Variants in FNDC3A observed in about 807,000 individuals in gnomAD.
FNDC3A encodes the protein fibronectin type III domain containing 3A.
In FNDC3A, 32 loss-of-function variants were observed where a neutral mutation model predicts 148.9. The observed-to-expected ratio is 0.21, with a 90% CI of 0.16 to 0.29. The LOEUF is 0.29. Among genes scored for constraint, FNDC3A ranks in the 10% least tolerant of loss-of-function variants. The pLI is 1.00. For synonymous variants in FNDC3A, 472 were observed against 473.6 expected (o/e 1.00, Z 0.04); for missense variants, 1,191 against 1,452.8 (o/e 0.82, Z 2.93).
intron 1 of FNDC3A, among the ~76,000 whole-genome samples, chr13:48,999,273 C>G (rs1045708688): frequency 1.3e-5 from 2 of 152,196 alleles, no homozygotes; most frequent in Admixed American, 1.3e-4. Context: ...GATTCTCAAG[C>G]CTTAAGATCT....
chr13:48,983,209 T>C (rs1951727016), intron 1 of FNDC3A, among the ~76,000 whole-genome samples: 1 of 152,174 alleles, frequency 6.6e-6, no homozygotes, highest in Non-Finnish European at 1.5e-5. Flanking sequence ...AATTAAAATA[T>C]CTTGTGTCTT....
chr13:49,152,997 AT>A (rs1463545925), intron 8 of FNDC3A, among the ~76,000 whole-genome samples: 11 of 150,490 alleles, frequency 7.3e-5, no homozygotes, highest in African/African-American at 2.7e-4. Context: ...ATGTGTCTTT[AT>A]AGCAGCATGA....
At chr13:49,126,930 A>C (rs575700980) in intron 4 of FNDC3A, among the ~76,000 whole-genome samples, 1 of 152,350 alleles carries the variant, frequency 6.6e-6, no homozygotes, top group African/African-American at 2.4e-5. Flanking sequence ...TAGGAGAGAG[A>C]GATCACTGAG....
chr13:48,986,384 T>TG (rs1951795133), intron 1 of FNDC3A, among the ~76,000 whole-genome samples: 1 of 119,170 alleles, frequency 8.4e-6, no homozygotes, highest in Non-Finnish European at 1.7e-5. Context: ...AGAAGGAAGT[T>TG]GTTTTTTTTT....
intron 4 of FNDC3A, 64 bp downstream of exon 4, chr13:49,114,795 C>A: frequency 8.8e-7 from 1 of 1,140,446 alleles, no homozygotes. Flanking sequence ...TTCTCTTTGA[C>A]TTTGATTTTG....
At chr13:49,050,584 T>C (rs1395802725) in intron 2 of FNDC3A, among the ~76,000 whole-genome samples, 3 of 152,234 alleles carry the variant, frequency 2.0e-5, no homozygotes, top group African/African-American at 7.2e-5. Flanking sequence ...TTGAAGAATG[T>C]TCCATATGCT....
At chr13:49,043,330 G>T (rs192887444) in intron 2 of FNDC3A, among the ~76,000 whole-genome samples, 97 of 152,286 alleles carry the variant, frequency 6.4e-4, no homozygotes, top group African/African-American at 2.0e-3. Flanking sequence ...ATTGAAGACA[G>T]TTAATACTAA....
intron 3 of FNDC3A, among the ~76,000 whole-genome samples, chr13:49,092,989 A>G (rs1165299610): frequency 6.6e-6 from 1 of 152,198 alleles, no homozygotes; most frequent in Admixed American, 6.6e-5. Context: ...TGAGATTCAT[A>G]AAAAGCCTCA....
chr13:49,017,672 A>G (rs1355254377), intron 2 of FNDC3A, among the ~76,000 whole-genome samples: 2 of 151,566 alleles, frequency 1.3e-5, no homozygotes, highest in Non-Finnish European at 2.9e-5. Flanking sequence ...TTTGCTCATT[A>G]GTTCATGCAG....
At chr13:49,177,908 A>C (rs1233825665) in intron 13 of FNDC3A, among the ~76,000 whole-genome samples, 1 of 152,240 alleles carries the variant, frequency 6.6e-6, no homozygotes, top group African/African-American at 2.4e-5. Flanking sequence ...AAAAAAGGAC[A>C]GGCTTTTTCT....
At chr13:49,009,600 C>CT (rs1456915653) in intron 2 of FNDC3A, among the ~76,000 whole-genome samples, 1 of 152,152 alleles carries the variant, frequency 6.6e-6, no homozygotes. Flanking sequence ...CTTGAGATAT[C>CT]TTTTCCTGAT....
intron 8 of FNDC3A, among the ~76,000 whole-genome samples, chr13:49,160,402 G>T (rs959285970): frequency 9.9e-5 from 15 of 151,870 alleles, no homozygotes; most frequent in African/African-American, 3.6e-4. Context: ...TAGTTTATTT[G>T]CATAGAGGTG....
Position 49,198,613 on chromosome 13 carries a change from G to A in FNDC3A, c.2987+39G>A, listed in dbSNP as rs373938016. 1.3e-4 allele frequency: 194 copies of A among 1,470,078 alleles called. No individual in the cohort carries two copies. In the Middle Eastern group the frequency reaches 1.7e-3, roughly 13 times the overall value. 91.1% of individuals were successfully genotyped at this position (1,470,078 alleles called of 1,614,324 possible). On this transcript the variant is annotated intron_variant, in intron 23 of 25. Coordinates refer to ENST00000492622, the MANE Select transcript of FNDC3A (RefSeq NM_001079673.2). ...ATTGCTTCTTTATATAGTTTCTTAG[G>A]TCTTAAGTATATACATTTCTGTAAC...
chr13:49,044,291 A>G (rs540383851), intron 2 of FNDC3A: 5 of 179,538 alleles, frequency 2.8e-5, no homozygotes, highest in East Asian at 1.4e-4. Context: ...GTCAGAGTCT[A>G]TTATTCCATG....
chr13:49,094,226 G>A lies in FNDC3A; in HGVS notation c.175+18862G>A, dbSNP rs546554888. 1.4e-4 allele frequency among the ~76,000 whole-genome samples: 22 copies of A among 151,940 alleles called. No homozygotes were observed. In the South Asian group the frequency reaches 3.1e-3, roughly 21 times the overall value. ...TTTTGCTAAAGATGATATTATTAGAGTTAATAACAATAGGCGTAAAAGGTG... is the reference window on the plus strand; with the variant it reads ...TTTTGCTAAAGATGATATTATTAGAATTAATAACAATAGGCGTAAAAGGTG... On this transcript the variant is annotated intron_variant, in intron 3 of 25. Coordinates refer to ENST00000492622, the MANE Select transcript of FNDC3A (RefSeq NM_001079673.2).
intron 3 of FNDC3A, among the ~76,000 whole-genome samples, chr13:49,097,262 C>T (rs575338538): frequency 2.6e-5 from 4 of 151,332 alleles, no homozygotes; most frequent in Non-Finnish European, 5.9e-5. Flanking sequence ...ATGAGAACAA[C>T]TGTCTCAGCA....
intron 19 of FNDC3A, among the ~76,000 whole-genome samples, chr13:49,196,566 C>T (rs973640551): frequency 6.6e-6 from 1 of 152,126 alleles, no homozygotes; most frequent in Non-Finnish European, 1.5e-5. Flanking sequence ...TTCTTCACTC[C>T]TTATATTTCT....
chr13:49,160,658 C>G (rs1256818314), intron 8 of FNDC3A, among the ~76,000 whole-genome samples: 16 of 151,750 alleles, frequency 1.1e-4, no homozygotes, highest in Non-Finnish European at 2.2e-4. Context: ...TTGTTTTCTG[C>G]TAGCTTTTGA....
chr13:49,158,242 G>A (rs182147552), intron 8 of FNDC3A, among the ~76,000 whole-genome samples: 14 of 152,242 alleles, frequency 9.2e-5, no homozygotes, highest in African/African-American at 2.6e-4. Flanking sequence ...TTTTTAAGCC[G>A]GTCGGAGAAG....
Sources: allele counts gnomAD v4.1 joint callset (sites outside exome capture counted in the v4.1 genomes callset), GRCh38; gene constraint gnomAD v4.1.1; transcripts MANE v1.5; gene names NCBI Gene and HGNC (gene_info 2026-07-23, HGNC 2026-07-21).